The following PCNX2 variants were observed in gnomAD, a reference collection of about 807,000 sequenced individuals.
The protein encoded by PCNX2 is pecanex 2, also known as pecanex-like protein 2.
In PCNX2, 168 loss-of-function variants were observed where a neutral mutation model predicts 223.8. The ratio of observed to expected loss-of-function variants is 0.75; its 90% CI spans 0.66 to 0.85. The LOEUF is 0.85. Among genes scored for constraint, PCNX2 ranks in the 40% least tolerant of loss-of-function variants. The probability of loss-of-function intolerance (pLI) is 0.00; values close to 1 mark genes in which losing one functional copy is unlikely to be tolerated. For missense variants in PCNX2, 2,507 were observed against 2,675.5 expected (o/e 0.94, Z 1.39); for synonymous variants, 1,006 against 1,052.6 (o/e 0.96, Z 0.86).
chr1:233,095,680 A>C lies in PCNX2; in HGVS notation c.3946+75T>G, dbSNP rs371831163. ...TAGACTTTAAAATCTTTTTATTGCC[A>C]GGGGTCAATGAAAAGCTTGCTTCCG... On this transcript the variant is annotated intron_variant, in intron 22 of 33. Coordinates refer to ENST00000258229, the MANE Select transcript of PCNX2 (RefSeq NM_014801.4). The C allele has an allele frequency of 1.1e-4, 141 of 1,267,374 alleles. No individual in the cohort carries two copies. In the East Asian group the frequency reaches 2.5e-3, roughly 23 times the overall value. 78.5% of individuals were successfully genotyped at this position (1,267,374 alleles called of 1,614,324 possible).
chr1:233,252,501 TTAACACATA>T lies in PCNX2; in HGVS notation c.1983-11_1983-3del, dbSNP rs1182477695. On this transcript the variant is annotated splice_region_variant and splice_polypyrimidine_tract_variant and intron_variant, in intron 6 of 33. Transcript: ENST00000258229. ...TGTCTTTGTCTATTGCCCTGAAAAC[TTAACACATA>T]TAAAAGTTTCAAAAAAAATGATTAG... 4 of 1,598,518 alleles carry T rather than the reference TTAACACATA, an allele frequency of 2.5e-6. No individual in the cohort carries two copies. Among genetic ancestry groups the T allele is most frequent in the African/African-American group, 1.3e-5 (1 of 74,162 alleles).
intron 19 of PCNX2, among the ~76,000 whole-genome samples, chr1:233,144,486 T>TGTCCAAAGGTATTGTG (rs1677309367): frequency 6.6e-6 from 1 of 152,194 alleles, no homozygotes; most frequent in Non-Finnish European, 1.5e-5. Context: ...TTGTGCCAAT[T>TGTCCAAAGGTATTGTG]TACACTCTCG....
chr1:233,231,666 T>G, intron 9 of PCNX2: 1 of 985,022 alleles, frequency 1.0e-6, no homozygotes, highest in Non-Finnish European at 1.2e-6. Flanking sequence ...GAGTGAACAG[T>G]AGACAGAAGA....
chr1:232,998,103 A>G, intron 32 of PCNX2, 148 bp downstream of exon 32: 1 of 755,684 alleles, frequency 1.3e-6, no homozygotes, highest in Admixed American at 4.0e-5. Context: ...CCTGAGCAGA[A>G]CCTACAAGAG....
At chr1:232,998,807 C>T (rs1669966301) in intron 31 of PCNX2, among the ~76,000 whole-genome samples, 1 of 152,212 alleles carries the variant, frequency 6.6e-6, no homozygotes, top group African/African-American at 2.4e-5. Context: ...CCAGTTCTTG[C>T]TAACAGATGT....
intron 21 of PCNX2, 24 bp from the exon 22 acceptor site, chr1:233,095,887 C>A: frequency 6.6e-7 from 1 of 1,520,142 alleles, no homozygotes; most frequent in South Asian, 1.2e-5. Flanking sequence ...AAAAAAAATT[C>A]ATCAGAGAGG....
rs183127785 is a variant in PCNX2, at chr1:233,295,104, G to A, written c.153+222C>T. 6.6e-6 allele frequency among the ~76,000 whole-genome samples: 1 copy of A among 152,104 alleles called. No individual in the cohort carries two copies. Among genetic ancestry groups the A allele is most frequent in the Admixed American group, 6.5e-5 (1 of 15,292 alleles). ...CGGCATCAATTCTTAATGAGTCCCC[G>A]AGCCCCCGCAGTCCTGTCTACTTCT... On this transcript the variant is annotated intron_variant, in intron 1 of 33. Transcript: ENST00000258229. The surrounding 1 kb of genome is among the most constrained non-coding windows in gnomAD (Gnocchi z 4.1).
In PCNX2 at chr1:233,257,456, T is replaced by C. The variant is rs375003334; in HGVS notation, c.1834+572A>G. 4.6e-5 allele frequency among the ~76,000 whole-genome samples: 7 copies of C among 152,342 alleles called. No individual in the cohort carries two copies. The East Asian group carries it at 1.2e-3, about 25-fold the overall frequency. On this transcript the variant is annotated intron_variant, in intron 5 of 33. Coordinates refer to ENST00000258229, the MANE Select transcript of PCNX2 (RefSeq NM_014801.4). ...TTAATAATTATGTTGGCAAAACATG[T>C]GTAAATGAGAACCCTTCCAGGCAAA...
rs968149131 is a variant in PCNX2, at chr1:233,137,191, C to T, written c.3660-2001G>A. 3.3e-5 allele frequency among the ~76,000 whole-genome samples: 5 copies of T among 152,182 alleles called. No homozygotes were observed. The South Asian group carries it at 1.0e-3, about 32-fold the overall frequency. ...GTCGGTGTGGAGTTTGTACATTGTC[C>T]TCATATCTGTGTGGGTTTTCCTCTG... On this transcript the variant is annotated intron_variant, in intron 20 of 33. Transcript: ENST00000258229.
At chr1:233,164,694 A>G (rs1183509112) in intron 17 of PCNX2, among the ~76,000 whole-genome samples, 1 of 151,994 alleles carries the variant, frequency 6.6e-6, no homozygotes, top group Non-Finnish European at 1.5e-5. Context: ...CTATTCAGCC[A>G]TAAAAAAGAA....
At chr1:232,995,919 G>A (rs540966894) in intron 32 of PCNX2, among the ~76,000 whole-genome samples, 67 of 152,164 alleles carry the variant, frequency 4.4e-4, no homozygotes, top group East Asian at 1.6e-3. Context: ...GTGCTGTGGC[G>A]TGATCTCGGC....
At chr1:233,095,033 T>C in intron 22 of PCNX2, among the ~76,000 whole-genome samples, 1 of 152,208 alleles carries the variant, frequency 6.6e-6, no homozygotes, top group South Asian at 2.1e-4. Flanking sequence ...ATTTTAGGCC[T>C]GAGTCAAATT....
intron 21 of PCNX2, 47 bp downstream of exon 21, chr1:233,134,966 A>T: frequency 7.0e-7 from 1 of 1,431,008 alleles, no homozygotes; most frequent in Non-Finnish European, 9.8e-7. Context: ...TGATAAGAAC[A>T]GCCCCCTTTA....
chr1:233,134,431 T>A (rs1676686017), intron 21 of PCNX2, among the ~76,000 whole-genome samples: 1 of 152,214 alleles, frequency 6.6e-6, no homozygotes, highest in African/African-American at 2.4e-5. Context: ...TGTATGAAGT[T>A]GCTCAACAGA....
intron 25 of PCNX2, among the ~76,000 whole-genome samples, chr1:233,046,799 G>C (rs1227188991): frequency 6.6e-6 from 1 of 152,160 alleles, no homozygotes; most frequent in African/African-American, 2.4e-5. Flanking sequence ...AAGGAGTCTG[G>C]TATGTTGTTG....
At chr1:233,232,543 A>G (rs701173) in intron 9 of PCNX2, among the ~76,000 whole-genome samples, 97,623 of 152,078 alleles carry the variant, frequency 0.64, 31,632 homozygotes, top group East Asian at 0.87. Context: ...AAAGATGCAA[A>G]TGTTACTTTT....
chr1:233,211,294 G>T (rs1681803809), intron 12 of PCNX2, among the ~76,000 whole-genome samples: 1 of 151,738 alleles, frequency 6.6e-6, no homozygotes, highest in East Asian at 1.9e-4. Context: ...CCTGACATCT[G>T]CTGAGTTGAC....
chr1:233,113,509 A>T (rs191372058), intron 21 of PCNX2, among the ~76,000 whole-genome samples: 248 of 152,340 alleles, frequency 1.6e-3, no homozygotes, highest in African/African-American at 5.4e-3. Flanking sequence ...TCAAAAAAAC[A>T]GTTTTCCATC....
At chr1:233,008,274 C>T (rs578136892) in intron 28 of PCNX2, among the ~76,000 whole-genome samples, 184 of 152,276 alleles carry the variant, frequency 1.2e-3, no homozygotes, top group African/African-American at 4.2e-3. Context: ...AAAGAACACT[C>T]GGTAAAGAAC....
Sources: gnomAD v4.1 joint callset for allele counts (sites outside exome capture counted in the v4.1 genomes callset) on GRCh38, gnomAD v4.1.1 for gene constraint, Gnocchi (gnomAD v3.1) non-coding constraint, MANE v1.5 for transcripts, NCBI Gene and HGNC (gene_info 2026-07-23, HGNC 2026-07-21) for gene names.